ATG14: variants seen among roughly 807,000 people sequenced by gnomAD.
ATG14 encodes the protein autophagy related 14.
In ATG14, 35 loss-of-function variants were observed where a neutral mutation model predicts 60.4. The observed-to-expected ratio is 0.58, with a 90% confidence interval of 0.44 to 0.77. The LOEUF is 0.77. ATG14 is among the 30% of genes least tolerant of loss of function. The probability of loss-of-function intolerance (pLI) is 0.00; values close to 1 mark genes in which losing one functional copy is unlikely to be tolerated. For synonymous variants in ATG14, 234 were observed against 228.8 expected (o/e 1.02, Z -0.21); for missense variants, 647 against 626.3 (o/e 1.03, Z -0.35).
intron 9 of ATG14, among the ~76,000 whole-genome samples, chr14:55,372,673 C>A (rs1164250416): frequency 6.6e-6 from 1 of 152,008 alleles, no homozygotes; most frequent in Non-Finnish European, 1.5e-5. Flanking sequence ...CTTCGCTCCT[C>A]CCTGCTCCCT....
intron 7 of ATG14, among the ~76,000 whole-genome samples, chr14:55,378,711 G>GT (rs113965286): frequency 0.02 from 3,102 of 151,466 alleles, 68 homozygotes; most frequent in African/African-American, 0.051. Context: ...TTTTTTGTTT[G>GT]TTTTTTAGGC....
intron 9 of ATG14, among the ~76,000 whole-genome samples, chr14:55,375,483 G>A (rs1037933985): frequency 2.1e-5 from 3 of 145,304 alleles, no homozygotes; most frequent in East Asian, 2.0e-4. Context: ...TTACCACGCC[G>A]GGCTAAATTT....
chr14:55,410,410 A>AC (rs1372512816), intron 1 of ATG14, among the ~76,000 whole-genome samples: 1 of 152,314 alleles, frequency 6.6e-6, no homozygotes, highest in East Asian at 1.9e-4. Flanking sequence ...TCCATCTCAT[A>AC]CCCCGTATTC....
chr14:55,390,974 A>C lies in ATG14; in HGVS notation c.346T>G (p.Cys116Gly). The change falls in exon 4 of 10, where the codon TGC becomes GGC. Residue 116 changes from cysteine to glycine, a missense_variant. Physicochemically the swap from Cys to Gly is radical, Grantham distance 159. Transcript: ENST00000247178. ...TDQLRWKIMS[C>G]KMRIEQLKQT... ...TTTAACTGTTCAATCCTCATCTTGC[A>C]GGACATTATTTTCCATCTCTGAAAA... 4 of 1,606,896 alleles carry C rather than the reference A, an allele frequency of 2.5e-6. No homozygotes were observed. Among genetic ancestry groups the C allele is most frequent in the Non-Finnish European group, 3.4e-6 (4 of 1,176,014 alleles).
intron 1 of ATG14, among the ~76,000 whole-genome samples, chr14:55,408,195 G>T (rs933969728): frequency 1.3e-5 from 2 of 152,220 alleles, no homozygotes; most frequent in African/African-American, 4.8e-5. Context: ...GCTCACACCT[G>T]TAATTCCCGC....
chr14:55,410,804 G>A (rs922792937), intron 1 of ATG14, among the ~76,000 whole-genome samples: 4 of 152,204 alleles, frequency 2.6e-5, no homozygotes, highest in African/African-American at 7.2e-5. Flanking sequence ...CAGAATGCTA[G>A]CTATCTTACT....
rs2140129527 is a variant in ATG14, at chr14:55,380,766, TTATGA to T, written c.878-81_878-77del. 5 of 974,676 alleles carry T rather than the reference TTATGA, an allele frequency of 5.1e-6. No homozygotes were observed. The East Asian group carries it at 1.3e-4, about 25-fold the overall frequency. The allele number at this position is 974,676 out of a possible 1,614,324, so 60.4% of individuals were successfully genotyped here. A position where few individuals can be genotyped will look rare whatever the true frequency, so the allele number is the denominator to read the frequency against. On this transcript the variant is annotated intron_variant, in intron 6 of 9. Coordinates refer to ENST00000247178, the MANE Select transcript of ATG14 (RefSeq NM_014924.5). ...TACTAATAATCCACGAGTTTATCAT[TTATGA>T]TTTTATCATGATAGCACTGTTACGT...
chr14:55,396,175 C>A (rs1885311407), intron 2 of ATG14, among the ~76,000 whole-genome samples, 193 bp from the exon 3 acceptor site: 1 of 152,152 alleles, frequency 6.6e-6, no homozygotes, highest in Non-Finnish European at 1.5e-5. Flanking sequence ...TTTTGTAGTT[C>A]TGAATATTGC....
At chr14:55,403,458 C>G (rs754919304) in intron 1 of ATG14, among the ~76,000 whole-genome samples, 17 of 152,060 alleles carry the variant, frequency 1.1e-4, no homozygotes, top group Middle Eastern at 3.4e-3. Flanking sequence ...ACTGGGACAG[C>G]CTTTAGAAAC....
intron 4 of ATG14, 80 bp downstream of exon 4, chr14:55,390,831 G>A: frequency 1.0e-6 from 1 of 974,386 alleles, no homozygotes; most frequent in Non-Finnish European, 1.6e-6. Context: ...CTTCCTTTCT[G>A]TGTCCCTCTA....
At chr14:55,407,022 C>T (rs191979433) in intron 1 of ATG14, among the ~76,000 whole-genome samples, 132 of 150,490 alleles carry the variant, frequency 8.8e-4, no homozygotes, top group Non-Finnish European at 1.7e-3. Context: ...AGTACAGTGG[C>T]GTGATCTCAG....
rs865965067 is a variant in ATG14, at chr14:55,384,149, T to C, written c.647+1710A>G. On this transcript the variant is annotated intron_variant, in intron 5 of 9. Coordinates refer to ENST00000247178, the MANE Select transcript of ATG14 (RefSeq NM_014924.5). ...AGAAACCTTATTAGAAGGGTAACTT[T>C]AAAACCACCAGCTTCTTTTTAAAAA... 3.3e-5 allele frequency among the ~76,000 whole-genome samples: 5 copies of C among 152,184 alleles called. 1 individual carries two copies. The South Asian group carries it at 8.3e-4, about 25-fold the overall frequency.
At chr14:55,400,131 C>T (rs974840920) in intron 1 of ATG14, among the ~76,000 whole-genome samples, 5 of 152,166 alleles carry the variant, frequency 3.3e-5, no homozygotes, top group Non-Finnish European at 5.9e-5. Flanking sequence ...AAACCACATG[C>T]GTGGGTCAGG....
intron 1 of ATG14, among the ~76,000 whole-genome samples, chr14:55,398,943 G>C (rs938230305): frequency 6.6e-6 from 1 of 152,118 alleles, no homozygotes; most frequent in Non-Finnish European, 1.5e-5. Context: ...CAGGGATAAT[G>C]ACTCATGCTG....
chr14:55,367,997 C>G lies in ATG14; in HGVS notation c.*1622G>C, dbSNP rs1229071459. ...CATGGCAAACCTCTGAATGATTTAT[C>G]AGAGGTGCTATCATGCCAATCACAT... On this transcript the variant is annotated 3_prime_UTR_variant, in exon 10 of 10. Transcript: ENST00000247178. 1 of 152,598 alleles carries G rather than the reference C, an allele frequency of 6.6e-6. No homozygotes were observed. Among genetic ancestry groups the G allele is most frequent in the African/African-American group, 2.4e-5 (1 of 41,444 alleles). 9.5% of individuals were successfully genotyped at this position (152,598 alleles called of 1,614,324 possible).
At chr14:55,384,780 G>C (rs1161462713) in intron 5 of ATG14, among the ~76,000 whole-genome samples, 1 of 152,192 alleles carries the variant, frequency 6.6e-6, no homozygotes, top group African/African-American at 2.4e-5. Context: ...AGAAGAGACA[G>C]GAAAATCCTC....
Position 55,411,784 on chromosome 14 carries a change from C to G in ATG14, c.39G>C (p.Glu13Asp), listed in dbSNP as rs1441557706. Residue 13 changes from glutamate (E) to aspartate (D), a missense_variant, in exon 1 of 10, where the codon GAG (glutamate) becomes GAC (aspartate). Physicochemically the swap from Glu to Asp is conservative, Grantham distance 45. Transcript: ENST00000247178. ...GCGGCCGGGGCCCGCAGCCAGGAGC[C>G]TCCAGCGCCCGGGCTCCCTTCCCAC... ...SPSGKGARAL[E>D]APGCGPRPLA... is the part of the protein sequence containing the mutation. 1.2e-6 allele frequency: 2 copies of G among 1,602,918 alleles called. No homozygotes were observed. The highest frequency in any genetic ancestry group is 2.2e-5 in the South Asian group (2 of 89,600).
At chr14:55,382,991 C>T (rs1885061211) in intron 5 of ATG14, among the ~76,000 whole-genome samples, 1 of 152,196 alleles carries the variant, frequency 6.6e-6, no homozygotes, top group African/African-American at 2.4e-5. Context: ...CACTGTTTTA[C>T]ATTTTTTAAA....
chr14:55,397,405 C>G lies in ATG14; in HGVS notation c.251G>C (p.Arg84Pro). 1 of 1,613,570 alleles carries G rather than the reference C, an allele frequency of 6.2e-7. No individual in the cohort carries two copies. The highest frequency in any genetic ancestry group is 8.5e-7 in the Non-Finnish European group (1 of 1,179,654). The change falls in exon 2 of 10, where the codon CGA becomes CCA. Residue 84 changes from arginine (R) to proline (P), a missense_variant. Physicochemically the swap from Arg to Pro is moderately radical, Grantham distance 103. Coordinates refer to ENST00000247178, the MANE Select transcript of ATG14 (RefSeq NM_014924.5). Reference sequence around the variant, plus strand: ...AAATTCTTCTTGCTTGCTCTTAAGTCGGCTTAACCTTTCCTTCTTGTCGAT... The same window carrying G: ...AAATTCTTCTTGCTTGCTCTTAAGTGGGCTTAACCTTTCCTTCTTGTCGAT... ...RFIDKKERLSRLKSKQEEFQK... is the reference protein window; with the variant it reads ...RFIDKKERLSPLKSKQEEFQK...
Sources: allele counts gnomAD v4.1 joint callset (sites outside exome capture counted in the v4.1 genomes callset), GRCh38; gene constraint gnomAD v4.1.1; transcripts MANE v1.5; gene names NCBI Gene and HGNC (gene_info 2026-07-23, HGNC 2026-07-21).